Variants in NEK7 observed in about 807,000 individuals in gnomAD.
The protein encoded by NEK7 is serine/threonine-protein kinase Nek7.
In NEK7, 18 loss-of-function variants were observed where a neutral mutation model predicts 44.6. The ratio of observed to expected loss-of-function variants is 0.40; its 90% CI spans 0.28 to 0.60. The LOEUF (loss-of-function observed/expected upper bound fraction) is 0.60. NEK7 is among the 20% of genes least tolerant of loss of function. NEK7 has a pLI of 0.38. For synonymous variants in NEK7, 130 were observed against 121.1 expected, an observed-to-expected ratio of 1.07 and a Z score of -0.48; for missense variants, 256 against 366.5, an observed-to-expected ratio of 0.70 and a Z score of 2.46.
intron 1 of NEK7, among the ~76,000 whole-genome samples, chr1:198,171,402 C>T (rs567929182): frequency 3.4e-4 from 51 of 152,048 alleles, no homozygotes; most frequent in Non-Finnish European, 6.0e-4. Context: ...CTTTATGGGC[C>T]GGGTGCAGTG....
intron 2 of NEK7, among the ~76,000 whole-genome samples, chr1:198,237,706 A>C (rs1008820639): frequency 6.6e-6 from 1 of 151,998 alleles, no homozygotes; most frequent in Admixed American, 6.6e-5. Context: ...TTTCCCCTTT[A>C]ATCTATTCCC....
chr1:198,226,612 C>T (rs1055410604), intron 1 of NEK7, among the ~76,000 whole-genome samples: 22 of 151,270 alleles, frequency 1.5e-4, no homozygotes, highest in Non-Finnish European at 2.9e-5. Flanking sequence ...TTTTATTCAT[C>T]GTACTTACTG....
intron 8 of NEK7, among the ~76,000 whole-genome samples, chr1:198,295,827 T>G (rs1005333718): frequency 2.7e-5 from 4 of 150,398 alleles, no homozygotes; most frequent in African/African-American, 9.7e-5. Flanking sequence ...ATTATTATTA[T>G]TATTATTATT....
intron 2 of NEK7, among the ~76,000 whole-genome samples, chr1:198,250,100 C>G (rs1652879333): frequency 1.3e-5 from 2 of 149,368 alleles, no homozygotes; most frequent in Admixed American, 1.3e-4. Context: ...CTACATATGG[C>G]TAGCCAGTTT....
intron 9 of NEK7, among the ~76,000 whole-genome samples, chr1:198,315,512 A>G (rs929145211): frequency 3.9e-5 from 6 of 152,212 alleles, no homozygotes; most frequent in Admixed American, 3.9e-4. Flanking sequence ...GAGCCATTGA[A>G]ATGCTTAAAG....
At chr1:198,271,387 A>G (rs1000133254) in intron 5 of NEK7, among the ~76,000 whole-genome samples, 1 of 152,036 alleles carries the variant, frequency 6.6e-6, no homozygotes, top group African/African-American at 2.4e-5. Context: ...TCTGCTTATG[A>G]CAGACGTTAA....
At chr1:198,290,701 T>C (rs1654527278) in intron 7 of NEK7, among the ~76,000 whole-genome samples, 1 of 152,176 alleles carries the variant, frequency 6.6e-6, no homozygotes, top group African/African-American at 2.4e-5. Context: ...CTGTTGGAAA[T>C]TTGTTGATCA....
chr1:198,164,595 CATT>C (rs1471652303), intron 1 of NEK7, among the ~76,000 whole-genome samples: 3 of 152,168 alleles, frequency 2.0e-5, no homozygotes, highest in East Asian at 3.8e-4. Flanking sequence ...TGTGCAATAG[CATT>C]ATGTCTAAAA....
chr1:198,274,489 A>G (rs939577612), intron 5 of NEK7, among the ~76,000 whole-genome samples: 5 of 151,756 alleles, frequency 3.3e-5, no homozygotes, highest in African/African-American at 1.2e-4. Context: ...TTTCTTTTTT[A>G]AAGATTAACA....
At position 198,320,443 on chromosome 1, in the gene NEK7, A is replaced by G. The variant is rs186159151; in HGVS notation, c.*921A>G. The G allele has an allele frequency of 1.1e-4, 17 of 152,198 alleles. No homozygotes were observed. The highest frequency in any genetic ancestry group is 5.2e-4 in the Admixed American group (8 of 15,268). 9.4% of individuals were successfully genotyped at this position (152,198 alleles called of 1,614,324 possible). On this transcript the variant is annotated 3_prime_UTR_variant, in exon 10 of 10. Transcript: ENST00000367385. ...GCCTAAGTTTTTATTCATAAGTTTT[A>G]TTGAAGTTCTGATCGGTCCCCTTCA...
At chr1:198,250,036 C>A (rs1436559758) in intron 2 of NEK7, among the ~76,000 whole-genome samples, 1 of 141,906 alleles carries the variant, frequency 7.0e-6, no homozygotes, top group African/African-American at 2.7e-5. Flanking sequence ...GTCTTTAATC[C>A]ATCTTGAATT....
chr1:198,191,062 AG>A (rs775081830), intron 1 of NEK7, among the ~76,000 whole-genome samples: 2 of 152,094 alleles, frequency 1.3e-5, no homozygotes, highest in Admixed American at 6.6e-5. Context: ...CTAACTCAGT[AG>A]ATCAAACAGG....
intron 1 of NEK7, among the ~76,000 whole-genome samples, chr1:198,231,642 A>C (rs1280839447): frequency 2.6e-5 from 4 of 152,016 alleles, no homozygotes; most frequent in Non-Finnish European, 5.9e-5. Context: ...GACCACATTA[A>C]AATTATGAAT....
At chr1:198,215,860 T>A (rs1328651877) in intron 1 of NEK7, among the ~76,000 whole-genome samples, 2 of 151,980 alleles carry the variant, frequency 1.3e-5, no homozygotes, top group African/African-American at 4.8e-5. Flanking sequence ...CAAGAAGATA[T>A]AACAATCCTA....
At chr1:198,207,754 T>C (rs1665640585) in intron 1 of NEK7, among the ~76,000 whole-genome samples, 1 of 152,170 alleles carries the variant, frequency 6.6e-6, no homozygotes, top group Admixed American at 6.5e-5. Flanking sequence ...ATTCTAGTGG[T>C]TGATTTCATT....
rs544736360 is a variant in NEK7 at position 198,198,721 on chromosome 1, G to A, written c.-28-33832G>A. Among the ~76,000 whole-genome samples the A allele has an allele frequency of 2.1e-3, 318 of 152,246 alleles. 1 individual carries two copies. Among genetic ancestry groups the A allele is most frequent in the South Asian group, 0.019 (93 of 4,818 alleles). On this transcript the variant is annotated intron_variant, in intron 1 of 9. Transcript: ENST00000367385. The stretch of plus-strand genomic sequence containing the variant: ...GTGAGGAAGATGAGAATCTCTTTCC[G>A]TTCTCCACAGAGGCTTTTTAACCTT...
intron 1 of NEK7, among the ~76,000 whole-genome samples, chr1:198,204,717 C>CAAAAAA (rs58273857): frequency 9.1e-5 from 8 of 87,874 alleles, no homozygotes; most frequent in Non-Finnish European, 9.9e-5. Flanking sequence ...GACTCCGTCT[C>CAAAAAA]AAAAAAAAAA....
At position 198,293,059 on chromosome 1, in the gene NEK7, T is replaced by C; in HGVS notation, c.684+20T>C. On this transcript the variant is annotated intron_variant, in intron 8 of 9. Coordinates refer to ENST00000367385, the MANE Select transcript of NEK7 (RefSeq NM_133494.3). Reference sequence around the variant, plus strand: ...TATGAGGTAGGTAATGTTGATAAATTCCAAATATTGATGCAGTTTTACTTA... The same window carrying C: ...TATGAGGTAGGTAATGTTGATAAATCCCAAATATTGATGCAGTTTTACTTA... 8.0e-7 allele frequency: 1 copy of C among 1,245,932 alleles called. No homozygotes were observed. Among genetic ancestry groups the C allele is most frequent in the Non-Finnish European group, 1.2e-6 (1 of 846,734 alleles). The allele number at this position is 1,245,932 out of a possible 1,614,324, so 77.2% of individuals were successfully genotyped here. A position where few individuals can be genotyped will look rare whatever the true frequency, so the allele number is the denominator to read the frequency against.
chr1:198,319,820 G>C lies in NEK7; in HGVS notation c.*298G>C. 4.5e-6 allele frequency: 1 copy of C among 221,476 alleles called. No homozygotes were observed. The highest frequency in any genetic ancestry group is 9.7e-5 in the East Asian group (1 of 10,262). The allele number at this position is 221,476 out of a possible 1,614,324, so 13.7% of individuals were successfully genotyped here. On this transcript the variant is annotated 3_prime_UTR_variant, in exon 10 of 10. Transcript: ENST00000367385. Reference sequence around the variant, plus strand: ...GTTTTCTGCTGATAAATTGTGTTTAGATAGACTGTCAGTGCCAAATATTGA... The same window carrying C: ...GTTTTCTGCTGATAAATTGTGTTTACATAGACTGTCAGTGCCAAATATTGA...
Sources: gnomAD v4.1 joint callset for allele counts (sites outside exome capture counted in the v4.1 genomes callset) on GRCh38, gnomAD v4.1.1 for gene constraint, MANE v1.5 for transcripts, NCBI Gene and HGNC (gene_info 2026-07-23, HGNC 2026-07-21) for gene names.